TNRC6B: variants seen among roughly 807,000 people sequenced by gnomAD.
The protein encoded by TNRC6B is trinucleotide repeat containing adaptor 6B, also known as trinucleotide repeat-containing gene 6B protein.
TNRC6B carries 52 observed loss-of-function variants against 203.6 expected under a neutral mutation model. The observed-to-expected ratio is 0.26, with a 90% CI of 0.20 to 0.32. TNRC6B has a LOEUF of 0.32. TNRC6B is among the 10% of genes least tolerant of loss of function. TNRC6B has a pLI of 1.00. For synonymous variants in TNRC6B, 838 were observed against 845.7 expected (o/e 0.99, Z 0.16); for missense variants, 1,923 against 2,286.2 (o/e 0.84, Z 3.24).
intron 1 of TNRC6B, among the ~76,000 whole-genome samples, chr22:40,058,700 C>T (rs780384347): frequency 1.2e-4 from 18 of 152,220 alleles, no homozygotes; most frequent in Non-Finnish European, 2.5e-4. Context: ...TCTGGAGAGG[C>T]GTGATGCTGT....
At chr22:40,077,388 T>C (rs1348975625) in intron 1 of TNRC6B, among the ~76,000 whole-genome samples, 11 of 152,178 alleles carry the variant, frequency 7.2e-5, no homozygotes, top group African/African-American at 2.7e-4. Flanking sequence ...TTTGTCCAAT[T>C]TTCTAGTTGT....
chr22:40,125,543 T>C (rs773674124), intron 2 of TNRC6B, among the ~76,000 whole-genome samples: 3 of 152,162 alleles, frequency 2.0e-5, no homozygotes, highest in Non-Finnish European at 4.4e-5. Flanking sequence ...TGGAAACCTT[T>C]CCTATCTACC....
chr22:40,300,836 C>A, intron 13 of TNRC6B, 74 bp from the exon 14 acceptor site: 2 of 1,445,552 alleles, frequency 1.4e-6, no homozygotes, highest in Non-Finnish European at 1.9e-6. Context: ...CTTCAGTGCA[C>A]AGACCCTTTA....
chr22:40,281,080 A>G, intron 10 of TNRC6B, 39 bp from the exon 11 acceptor site: 2 of 1,502,746 alleles, frequency 1.3e-6, no homozygotes, highest in Non-Finnish European at 1.8e-6. Flanking sequence ...TTCACTAACC[A>G]ACACTCGTTG....
At chr22:40,145,477 A>C (rs931250496) in intron 3 of TNRC6B, among the ~76,000 whole-genome samples, 2 of 152,200 alleles carry the variant, frequency 1.3e-5, no homozygotes, top group Non-Finnish European at 2.9e-5. Flanking sequence ...CAGTACCTGC[A>C]GTAGAGGGTG....
chr22:40,126,495 A>G (rs1001027456), intron 3 of TNRC6B, among the ~76,000 whole-genome samples: 1 of 151,286 alleles, frequency 6.6e-6, no homozygotes, highest in Non-Finnish European at 1.5e-5. Flanking sequence ...GAGAACATGC[A>G]GCATTTGGTT....
intron 3 of TNRC6B, among the ~76,000 whole-genome samples, chr22:40,131,064 C>T (rs1319333474): frequency 2.0e-5 from 3 of 151,616 alleles, no homozygotes; most frequent in African/African-American, 7.3e-5. Context: ...CCGCCACGCC[C>T]GGATAATTTT....
At chr22:40,298,948 A>C (rs2070982963) in intron 12 of TNRC6B, among the ~76,000 whole-genome samples, 2 of 150,592 alleles carry the variant, frequency 1.3e-5, no homozygotes, top group Non-Finnish European at 3.0e-5. Context: ...CCTGGGTGAA[A>C]GAGCGAGACT....
chr22:40,119,739 G>A (rs1486860016), intron 2 of TNRC6B, among the ~76,000 whole-genome samples: 1 of 152,124 alleles, frequency 6.6e-6, no homozygotes, highest in Non-Finnish European at 1.5e-5. Flanking sequence ...ACTTTTTTGT[G>A]ACTCTGTTAG....
chr22:40,235,039 C>T (rs865831488), intron 1 of TNRC6B, among the ~76,000 whole-genome samples: 18 of 152,090 alleles, frequency 1.2e-4, no homozygotes, highest in African/African-American at 4.1e-4. Context: ...CTTCATTGTA[C>T]TCCTTTGTTA....
chr22:40,285,804 A>G lies in TNRC6B; in HGVS notation c.3708+34A>G, dbSNP rs530174783. On this transcript the variant is annotated intron_variant, in intron 12 of 22. Coordinates refer to ENST00000454349, the MANE Select transcript of TNRC6B (RefSeq NM_001162501.2). ...TTTTACGTTCCTGTGATTCAAAATG[A>G]AAGACCATTTCACATCATTACCAGT... The G allele has an allele frequency of 3.1e-6, 5 of 1,611,066 alleles. No individual in the cohort carries two copies. In the East Asian group the frequency reaches 1.1e-4, roughly 36 times the overall value.
At chr22:40,302,191 G>T (rs189009716) in intron 15 of TNRC6B, among the ~76,000 whole-genome samples, 30 of 152,254 alleles carry the variant, frequency 2.0e-4, no homozygotes, top group Admixed American at 1.5e-3. Context: ...TGGAAAACAT[G>T]CTGTAAGCAG....
chr22:40,069,489 TA>T (rs2067928205), intron 1 of TNRC6B, among the ~76,000 whole-genome samples: 2 of 150,996 alleles, frequency 1.3e-5, no homozygotes, highest in African/African-American at 2.5e-5. Context: ...TTTTTTTTTT[TA>T]ATTTTTTTTT....
At chr22:40,126,207 C>T (rs112637532) in intron 3 of TNRC6B, among the ~76,000 whole-genome samples, 10 of 152,288 alleles carry the variant, frequency 6.6e-5, no homozygotes, top group African/African-American at 2.4e-4. Context: ...TGCACAGAGG[C>T]AGTCACTGAT....
At chr22:40,080,679 C>A (rs1048486157) in intron 1 of TNRC6B, among the ~76,000 whole-genome samples, 1 of 152,126 alleles carries the variant, frequency 6.6e-6, no homozygotes, top group Admixed American at 6.5e-5. Flanking sequence ...AAGTCACTCC[C>A]TTGCCTGCCC....
At chr22:40,048,931 C>T (rs111452978) in intron 1 of TNRC6B, among the ~76,000 whole-genome samples, 1,796 of 152,042 alleles carry the variant, frequency 0.012, 37 homozygotes, top group African/African-American at 0.041. Context: ...ACCTCTGCCC[C>T]GCTCCCCCCT....
chr22:40,093,096 C>T (rs1482816892), intron 1 of TNRC6B, among the ~76,000 whole-genome samples: 1 of 152,110 alleles, frequency 6.6e-6, no homozygotes, highest in Non-Finnish European at 1.5e-5. Context: ...ACATGCTGTG[C>T]ATGATAAATA....
chr22:40,195,673 C>T (rs1159113134), intron 1 of TNRC6B, among the ~76,000 whole-genome samples: 1 of 152,204 alleles, frequency 6.6e-6, no homozygotes, highest in Non-Finnish European at 1.5e-5. Flanking sequence ...AGGCTGGTCT[C>T]AAACTGCTGA....
intron 1 of TNRC6B, among the ~76,000 whole-genome samples, chr22:40,071,456 A>G (rs2067947079): frequency 6.6e-6 from 1 of 152,222 alleles, no homozygotes; most frequent in Admixed American, 6.5e-5. Flanking sequence ...GACTTTTCCT[A>G]TTACCAGCGA....
Sources: gnomAD v4.1 joint callset for allele counts (sites outside exome capture counted in the v4.1 genomes callset) on GRCh38, gnomAD v4.1.1 for gene constraint, MANE v1.5 for transcripts, NCBI Gene and HGNC (gene_info 2026-07-23, HGNC 2026-07-21) for gene names.